NCOA3: variants seen among roughly 807,000 people sequenced by gnomAD.
NCOA3 encodes CBP-interacting protein.
In NCOA3, 51 loss-of-function variants were observed where a neutral mutation model predicts 158.8. The ratio of observed to expected loss-of-function variants is 0.32; its 90% CI spans 0.26 to 0.41. The LOEUF (loss-of-function observed/expected upper bound fraction) is 0.41, where lower values mean the gene tolerates loss of function less well. Among genes scored for constraint, NCOA3 ranks in the 10% least tolerant of loss-of-function variants. The pLI is 1.00. For missense variants in NCOA3, 1,510 were observed against 1,746.6 expected (o/e 0.86, Z 2.41); for synonymous variants, 537 against 592.4 (o/e 0.91, Z 1.36).
intron 1 of NCOA3, among the ~76,000 whole-genome samples, chr20:47,539,407 G>C (rs1018985324): frequency 1.3e-5 from 2 of 152,170 alleles, no homozygotes; most frequent in African/African-American, 4.8e-5. Flanking sequence ...GGAGGTATCT[G>C]TTTTGTTTAC....
At chr20:47,520,450 C>A (rs1361730673) in intron 1 of NCOA3, among the ~76,000 whole-genome samples, 2 of 152,222 alleles carry the variant, frequency 1.3e-5, no homozygotes, top group African/African-American at 4.8e-5. Flanking sequence ...GCTACTCTTT[C>A]TTCCCCTGAG....
intron 1 of NCOA3, among the ~76,000 whole-genome samples, chr20:47,571,004 A>C (rs117981228): frequency 1.0e-5 from 1 of 98,742 alleles, no homozygotes; most frequent in Admixed American, 9.9e-5. Flanking sequence ...GTGTGTGTGT[A>C]TATACATTTT....
intron 1 of NCOA3, among the ~76,000 whole-genome samples, chr20:47,539,935 C>G (rs2084695295): frequency 6.6e-6 from 1 of 152,074 alleles, no homozygotes; most frequent in Non-Finnish European, 1.5e-5. Flanking sequence ...TGAACAAACC[C>G]CAAAATATTT....
At chr20:47,593,088 C>T (rs2085675519) in intron 2 of NCOA3, among the ~76,000 whole-genome samples, 1 of 152,126 alleles carries the variant, frequency 6.6e-6, no homozygotes, top group African/African-American at 2.4e-5. Flanking sequence ...CATCCGCCAC[C>T]ACACCCTGCT....
At chr20:47,614,146 G>A (rs2086093836) in intron 2 of NCOA3, among the ~76,000 whole-genome samples, 1 of 152,118 alleles carries the variant, frequency 6.6e-6, no homozygotes, top group Non-Finnish European at 1.5e-5. Flanking sequence ...CGTGGTACCA[G>A]TTCTCTTGGA....
chr20:47,638,016 T>C (rs1209181655), intron 13 of NCOA3, among the ~76,000 whole-genome samples: 2 of 152,224 alleles, frequency 1.3e-5, no homozygotes, highest in African/African-American at 2.4e-5. Flanking sequence ...CCAGTAATCA[T>C]GGCACTTATA....
At chr20:47,514,606 T>C (rs751379569) in intron 1 of NCOA3, among the ~76,000 whole-genome samples, 1 of 152,020 alleles carries the variant, frequency 6.6e-6, no homozygotes, top group Non-Finnish European at 1.5e-5. Flanking sequence ...TTGGCCTGGC[T>C]GGTCTCAAAT....
At chr20:47,639,224 T>G (rs767231314) in intron 14 of NCOA3, 22 bp downstream of exon 14, 1 of 1,559,196 alleles carries the variant, frequency 6.4e-7, no homozygotes, top group South Asian at 1.1e-5. Flanking sequence ...CTAATTAGTA[T>G]GTATGATTAT....
chr20:47,559,376 C>T (rs897014933), intron 1 of NCOA3, among the ~76,000 whole-genome samples: 16 of 152,042 alleles, frequency 1.1e-4, no homozygotes, highest in African/African-American at 3.9e-4. Context: ...TTATCTTTTC[C>T]CTTCAAGATT....
At chr20:47,502,112 A>G (rs1055278469) in intron 1 of NCOA3, 93 bp downstream of exon 1, 2 of 398,472 alleles carry the variant, frequency 5.0e-6, no homozygotes, top group Non-Finnish European at 8.8e-6. Context: ...TGCGAGAGCC[A>G]GCGGCTTCAG....
chr20:47,509,673 T>C (rs1281034869), intron 1 of NCOA3, among the ~76,000 whole-genome samples: 2 of 151,996 alleles, frequency 1.3e-5, no homozygotes, highest in African/African-American at 4.8e-5. Context: ...TTTGGGAGGC[T>C]GAGACCAGAG....
chr20:47,647,865 A>G (rs1602542104), intron 18 of NCOA3, among the ~76,000 whole-genome samples: 1 of 149,676 alleles, frequency 6.7e-6, no homozygotes, highest in African/African-American at 2.5e-5. Flanking sequence ...TTCAAACCAT[A>G]TAAGTAGATG....
chr20:47,615,115 A>G (rs2086110901), intron 2 of NCOA3, among the ~76,000 whole-genome samples: 1 of 152,236 alleles, frequency 6.6e-6, no homozygotes, highest in African/African-American at 2.4e-5. Flanking sequence ...GTGGAAAGTT[A>G]GCCATTTCCT....
At chr20:47,508,181 A>G (rs563433390) in intron 1 of NCOA3, among the ~76,000 whole-genome samples, 1 of 152,332 alleles carries the variant, frequency 6.6e-6, no homozygotes, top group East Asian at 1.9e-4. Flanking sequence ...GGCCAGAAAT[A>G]TACTTCTTTC....
intron 17 of NCOA3, among the ~76,000 whole-genome samples, chr20:47,644,375 A>G (rs852256): frequency 0.46 from 70,435 of 151,898 alleles, 16,885 homozygotes; most frequent in Middle Eastern, 0.61. Context: ...CCCTGACCTC[A>G]TGATCCACCC....
At chr20:47,546,518 C>T (rs975679699) in intron 1 of NCOA3, among the ~76,000 whole-genome samples, 64 of 146,972 alleles carry the variant, frequency 4.4e-4, no homozygotes, top group Non-Finnish European at 7.7e-4. Context: ...GACTCTGTGA[C>T]TTGCCTCTGT....
chr20:47,522,194 A>T (rs1406655096), intron 1 of NCOA3, among the ~76,000 whole-genome samples: 6 of 136,864 alleles, frequency 4.4e-5, no homozygotes, highest in East Asian at 4.2e-4. Context: ...GCTCCGCCTC[A>T]CTGGTTCACG....
intron 2 of NCOA3, among the ~76,000 whole-genome samples, chr20:47,618,005 C>T (rs1309359690): frequency 1.3e-5 from 2 of 152,010 alleles, no homozygotes; most frequent in Admixed American, 6.6e-5. Flanking sequence ...GGGAGGCTGA[C>T]GTGGGCAGAT....
At chr20:47,514,712 G>GTTTTTT (rs2084203580) in intron 1 of NCOA3, among the ~76,000 whole-genome samples, 2 of 124,610 alleles carry the variant, frequency 1.6e-5, no homozygotes, top group Admixed American at 8.1e-5. Flanking sequence ...TTTGTTTTTT[G>GTTTTTT]CTTTTTTTTT....
Sources: allele counts gnomAD v4.1 joint callset (sites outside exome capture counted in the v4.1 genomes callset), GRCh38; gene constraint gnomAD v4.1.1; transcripts MANE v1.5; gene names NCBI Gene and HGNC (gene_info 2026-07-23, HGNC 2026-07-21).